SPOCK1: variants seen among roughly 807,000 people sequenced by gnomAD.
SPOCK1 encodes SPARC (osteonectin), cwcv and kazal like domains proteoglycan 1.
SPOCK1 carries 23 observed loss-of-function variants against 55.3 expected under a neutral mutation model. The ratio of observed to expected loss-of-function variants is 0.42; its 90% confidence interval spans 0.30 to 0.59. The LOEUF (loss-of-function observed/expected upper bound fraction) is 0.59. Ranked by LOEUF, SPOCK1 falls within the 20% of genes least tolerant of loss-of-function variation. SPOCK1 has a pLI of 0.22. For missense variants in SPOCK1, 499 were observed against 552.5 expected (o/e 0.90, Z 0.97); for synonymous variants, 226 against 221.0 (o/e 1.02, Z -0.20).
At chr5:137,204,893 C>G (rs1012720879) in intron 3 of SPOCK1, among the ~76,000 whole-genome samples, 2 of 152,134 alleles carry the variant, frequency 1.3e-5, no homozygotes, top group Non-Finnish European at 1.5e-5. Flanking sequence ...CTTGTTCCCA[C>G]CTCAAGGCCA....
intron 5 of SPOCK1, among the ~76,000 whole-genome samples, chr5:137,080,859 C>T (rs1045110723): frequency 3.9e-5 from 6 of 152,242 alleles, no homozygotes; most frequent in East Asian, 3.9e-4. Flanking sequence ...GAGATGACCA[C>T]GTCACTAATA....
chr5:137,024,887 TA>T, intron 6 of SPOCK1, among the ~76,000 whole-genome samples: 1 of 151,966 alleles, frequency 6.6e-6, no homozygotes, highest in Non-Finnish European at 1.5e-5. Context: ...AATGGAAAAA[TA>T]AAATGTGGTA....
chr5:137,288,140 C>G (rs1019216264), intron 2 of SPOCK1, among the ~76,000 whole-genome samples: 1 of 152,176 alleles, frequency 6.6e-6, no homozygotes, highest in African/African-American at 2.4e-5. Context: ...GGGAGCCAGG[C>G]ACAGTCCTCA....
intron 2 of SPOCK1, among the ~76,000 whole-genome samples, chr5:137,372,881 T>G (rs1368718612): frequency 1.3e-5 from 2 of 152,246 alleles, no homozygotes; most frequent in South Asian, 2.1e-4. Context: ...CCTCCAAGGA[T>G]GTAGAAATGA....
intron 2 of SPOCK1, among the ~76,000 whole-genome samples, chr5:137,443,897 C>T (rs1753067514): frequency 2.0e-5 from 3 of 152,156 alleles, no homozygotes; most frequent in African/African-American, 7.2e-5. Context: ...GTTTAAAATC[C>T]TTCAGTAGGT....
intron 6 of SPOCK1, among the ~76,000 whole-genome samples, chr5:137,054,537 A>G (rs1561592435): frequency 6.6e-6 from 1 of 152,300 alleles, no homozygotes; most frequent in East Asian, 1.9e-4. Flanking sequence ...GCTGCTGCTC[A>G]TGGGACAAGG....
At chr5:137,200,033 C>T (rs1183566981) in intron 3 of SPOCK1, among the ~76,000 whole-genome samples, 1 of 152,240 alleles carries the variant, frequency 6.6e-6, no homozygotes, top group Non-Finnish European at 1.5e-5. Flanking sequence ...CCTGAGCCTG[C>T]GCTAGAGCAG....
chr5:137,281,936 C>G lies in SPOCK1; in HGVS notation c.187-14881G>C, dbSNP rs191843473. On this transcript the variant is annotated intron_variant, in intron 2 of 10. Coordinates refer to ENST00000394945, the MANE Select transcript of SPOCK1 (RefSeq NM_004598.4). ...TGGTCTAAAACATGAAATATATGAA[C>G]AGCTATGGCAGTTTTTTAACTGGTA... Among the ~76,000 whole-genome samples, 657 of 152,300 alleles carry G rather than the reference C, an allele frequency of 4.3e-3. 4 individuals are homozygous for G. Among genetic ancestry groups the G allele is most frequent in the Non-Finnish European group, 5.7e-3 (385 of 68,036 alleles).
At chr5:137,480,834 T>G (rs1438923574) in intron 2 of SPOCK1, among the ~76,000 whole-genome samples, 1 of 152,136 alleles carries the variant, frequency 6.6e-6, no homozygotes, top group Non-Finnish European at 1.5e-5. Context: ...AAGAGTTTTA[T>G]GCTGCTGTCA....
At chr5:137,402,894 G>A (rs1252757280) in intron 2 of SPOCK1, among the ~76,000 whole-genome samples, 1 of 152,188 alleles carries the variant, frequency 6.6e-6, no homozygotes, top group East Asian at 1.9e-4. Context: ...CAGTCAGTGT[G>A]GGTCAGGACC....
chr5:136,996,570 G>A (rs924997408), intron 6 of SPOCK1, among the ~76,000 whole-genome samples: 1 of 152,082 alleles, frequency 6.6e-6, no homozygotes, highest in Non-Finnish European at 1.5e-5. Context: ...TGTGCTCCCA[G>A]TTTTCTTCTC....
At position 136,988,659 on chromosome 5, in the gene SPOCK1, C is replaced by T. The variant is rs1561572091; in HGVS notation, c.707-16G>A. ...GTGTCAAACCCTGCCAAACAAAAGG[C>T]ATATCTCAGCTGCCACCAAGCCTGA... On this transcript the variant is annotated splice_polypyrimidine_tract_variant and intron_variant, in intron 7 of 10. Coordinates refer to ENST00000394945, the MANE Select transcript of SPOCK1 (RefSeq NM_004598.4). The T allele has an allele frequency of 3.1e-6, 5 of 1,602,992 alleles. No homozygotes were observed. Among genetic ancestry groups the T allele is most frequent in the Non-Finnish European group, 3.4e-6 (4 of 1,172,474 alleles).
chr5:137,260,404 A>T (rs567994542), intron 3 of SPOCK1, among the ~76,000 whole-genome samples: 2 of 152,248 alleles, frequency 1.3e-5, no homozygotes, highest in African/African-American at 2.4e-5. Flanking sequence ...AAGTTACCTC[A>T]AAAGCAATGT....
chr5:137,129,127 G>A (rs1410483246), intron 4 of SPOCK1, among the ~76,000 whole-genome samples: 2 of 152,140 alleles, frequency 1.3e-5, no homozygotes, highest in African/African-American at 4.8e-5. Flanking sequence ...TGGTCTTCAG[G>A]GTGTTGCAGA....
At chr5:137,338,116 C>T (rs1400554333) in intron 2 of SPOCK1, among the ~76,000 whole-genome samples, 4 of 152,018 alleles carry the variant, frequency 2.6e-5, no homozygotes, top group African/African-American at 7.2e-5. Flanking sequence ...TGTGCTGCAC[C>T]CAATAACTCG....
intron 3 of SPOCK1, among the ~76,000 whole-genome samples, chr5:137,184,353 C>A (rs1358675682): frequency 6.6e-6 from 1 of 152,148 alleles, no homozygotes; most frequent in African/African-American, 2.4e-5. Context: ...TAGCATCCAG[C>A]CACAGGAAGC....
intron 3 of SPOCK1, among the ~76,000 whole-genome samples, chr5:137,258,389 C>T (rs1018863015): frequency 3.3e-5 from 5 of 152,200 alleles, no homozygotes; most frequent in African/African-American, 1.2e-4. Context: ...AGGAGCTTAA[C>T]AAAACAAAAC....
intron 3 of SPOCK1, among the ~76,000 whole-genome samples, chr5:137,228,638 CAAAACAAAAATA>C (rs1294766540): frequency 2.0e-5 from 3 of 151,452 alleles, no homozygotes; most frequent in Non-Finnish European, 2.9e-5. Context: ...GAATCTGTCT[CAAAACAAAAATA>C]AAAACAAAAG....
At chr5:137,157,656 T>C (rs1754443724) in intron 3 of SPOCK1, among the ~76,000 whole-genome samples, 1 of 152,176 alleles carries the variant, frequency 6.6e-6, no homozygotes, top group Non-Finnish European at 1.5e-5. Context: ...AATCACTTGG[T>C]CCCAATCCCA....
Sources: allele counts gnomAD v4.1 joint callset (sites outside exome capture counted in the v4.1 genomes callset), GRCh38; gene constraint gnomAD v4.1.1; transcripts MANE v1.5; gene names NCBI Gene and HGNC (gene_info 2026-07-23, HGNC 2026-07-21).